The following CLDN10 variants were observed in gnomAD, a reference collection of about 807,000 sequenced individuals.
CLDN10 encodes the protein claudin-10.
Under a neutral mutation model 22.9 loss-of-function variants are expected in CLDN10, and 15 were observed. The ratio of observed to expected loss-of-function variants is 0.65; its 90% CI spans 0.44 to 1.01. The LOEUF is 1.01. Ranked by LOEUF, CLDN10 falls within the 50% of genes least tolerant of loss-of-function variation. The pLI, the probability that CLDN10 is intolerant of heterozygous loss-of-function variation, is 0.00. For synonymous variants in CLDN10, 114 were observed against 111.4 expected, an observed-to-expected ratio of 1.02 and a Z score of -0.15; for missense variants, 247 against 287.8, an observed-to-expected ratio of 0.86 and a Z score of 1.03.
intron 1 of CLDN10, among the ~76,000 whole-genome samples, chr13:95,505,067 A>G (rs1251553189): frequency 2.0e-5 from 3 of 152,226 alleles, no homozygotes; most frequent in Non-Finnish European, 4.4e-5. Flanking sequence ...GGATCAAAGG[A>G]ATATTTTTTG....
chr13:95,573,214 C>A (rs2043883788), intron 3 of CLDN10, among the ~76,000 whole-genome samples: 1 of 152,212 alleles, frequency 6.6e-6, no homozygotes, highest in Non-Finnish European at 1.5e-5. Flanking sequence ...TCTAAAGCCA[C>A]TCAGTGACTT....
At chr13:95,560,051 C>G in intron 1 of CLDN10, 81 bp from the exon 2 acceptor site, 2 of 1,324,194 alleles carry the variant, frequency 1.5e-6, no homozygotes, top group Non-Finnish European at 2.1e-6. Flanking sequence ...AACAAACATC[C>G]AGAATGACAA....
At chr13:95,532,504 C>T (rs1217892066) in intron 1 of CLDN10, among the ~76,000 whole-genome samples, 1 of 151,940 alleles carries the variant, frequency 6.6e-6, no homozygotes, top group Non-Finnish European at 1.5e-5. Context: ...CTAACGTTGG[C>T]AAGAATGTAG....
exon 1 of CLDN10, chr13:95,433,828 C>A (rs376321996): frequency 1.6e-5 from 26 of 1,613,484 alleles, no homozygotes; most frequent in Non-Finnish European, 1.9e-5. Flanking sequence ...GAGAAGGCGG[C>A]GCGACATGTC....
At chr13:95,453,130 C>T (rs2042448177) in intron 1 of CLDN10, among the ~76,000 whole-genome samples, 1 of 151,872 alleles carries the variant, frequency 6.6e-6, no homozygotes, top group Non-Finnish European at 1.5e-5. Flanking sequence ...TGTACTATAC[C>T]AACCTATGGG....
intron 1 of CLDN10, among the ~76,000 whole-genome samples, chr13:95,467,462 C>A (rs1458732641): frequency 6.6e-5 from 10 of 152,022 alleles, no homozygotes; most frequent in African/African-American, 2.4e-4. Flanking sequence ...TCTTCCATTG[C>A]ATTTGGTGAA....
chr13:95,561,540 A>G (rs997626209), intron 3 of CLDN10, among the ~76,000 whole-genome samples: 3 of 152,214 alleles, frequency 2.0e-5, no homozygotes, highest in Non-Finnish European at 4.4e-5. Context: ...AACCTTATAA[A>G]GTAGGTCCTC....
intron 1 of CLDN10, among the ~76,000 whole-genome samples, chr13:95,558,096 G>C (rs1298007092): frequency 6.6e-6 from 1 of 152,150 alleles, no homozygotes; most frequent in Non-Finnish European, 1.5e-5. Context: ...AATGACTGCA[G>C]TCAGAGTCAG....
At chr13:95,494,442 T>C (rs1412361867) in intron 1 of CLDN10, among the ~76,000 whole-genome samples, 1 of 152,190 alleles carries the variant, frequency 6.6e-6, no homozygotes, top group African/African-American at 2.4e-5. Context: ...ACATCCCAAT[T>C]CTAAGGGATA....
At chr13:95,502,547 T>C (rs2138541728) in intron 1 of CLDN10, among the ~76,000 whole-genome samples, 1 of 152,208 alleles carries the variant, frequency 6.6e-6, no homozygotes, top group Non-Finnish European at 1.5e-5. Context: ...TGAGACAGAG[T>C]CCCACTCTCT....
At chr13:95,434,087 A>G (rs373442520) in intron 1 of CLDN10, 10 of 1,559,294 alleles carry the variant, frequency 6.4e-6, no homozygotes, top group South Asian at 1.1e-5. Context: ...GGTAAAATGT[A>G]CTTTTCCCCC....
chr13:95,497,875 G>A (rs1215292871), intron 1 of CLDN10, among the ~76,000 whole-genome samples: 1 of 152,000 alleles, frequency 6.6e-6, no homozygotes, highest in Non-Finnish European at 1.5e-5. Flanking sequence ...GAGAAGTGAA[G>A]GGACATCTTG....
At chr13:95,507,048 G>A (rs2043045611) in intron 1 of CLDN10, among the ~76,000 whole-genome samples, 1 of 152,156 alleles carries the variant, frequency 6.6e-6, no homozygotes, top group Admixed American at 6.5e-5. Context: ...TCAACATAGT[G>A]TTAAAATTAT....
At chr13:95,506,551 C>T (rs1334687118) in intron 1 of CLDN10, among the ~76,000 whole-genome samples, 1 of 152,226 alleles carries the variant, frequency 6.6e-6, no homozygotes, top group Non-Finnish European at 1.5e-5. Flanking sequence ...CTCAGACCCA[C>T]CTGGTGTCTG....
intron 1 of CLDN10, among the ~76,000 whole-genome samples, chr13:95,458,995 A>AG (rs1310249322): frequency 1.3e-5 from 2 of 152,196 alleles, no homozygotes; most frequent in Non-Finnish European, 2.9e-5. Flanking sequence ...GCCAAAACAA[A>AG]GGGGCTACAG....
intron 4 of CLDN10, 128 bp from the exon 5 acceptor site, chr13:95,577,772 G>T: frequency 8.5e-6 from 5 of 590,778 alleles, no homozygotes; most frequent in Middle Eastern, 3.9e-4. Flanking sequence ...GAGGAGAGAA[G>T]AAAGCTATCT....
At chr13:95,558,664 G>C (rs2043667591) in intron 1 of CLDN10, among the ~76,000 whole-genome samples, 1 of 152,174 alleles carries the variant, frequency 6.6e-6, no homozygotes, top group South Asian at 2.1e-4. Flanking sequence ...AGTGGCTCAT[G>C]CCTTTAAGCC....
chr13:95,449,392 C>G (rs2042411619), intron 1 of CLDN10, among the ~76,000 whole-genome samples: 1 of 151,830 alleles, frequency 6.6e-6, no homozygotes, highest in African/African-American at 2.4e-5. Flanking sequence ...GCTGGAATTA[C>G]AGGCATGCAC....
intron 1 of CLDN10, among the ~76,000 whole-genome samples, chr13:95,559,472 T>C (rs984902492): frequency 7.9e-5 from 12 of 152,226 alleles, no homozygotes; most frequent in African/African-American, 2.4e-4. Flanking sequence ...AAAATAGTGC[T>C]TTTTAAAACC....
Sources: allele counts gnomAD v4.1 joint callset (sites outside exome capture counted in the v4.1 genomes callset), GRCh38; gene constraint gnomAD v4.1.1; transcripts MANE v1.5; gene names NCBI Gene and HGNC (gene_info 2026-07-23, HGNC 2026-07-21).